The following BMS1 variants were observed in gnomAD, a reference collection of about 807,000 sequenced individuals.
BMS1 encodes the protein ribosome biogenesis protein BMS1 homolog.
In BMS1, 53 loss-of-function variants were observed where a neutral mutation model predicts 138.7. The observed-to-expected ratio is 0.38, with a 90% CI of 0.31 to 0.48. The LOEUF is 0.48. BMS1 is among the 20% of genes least tolerant of loss of function. BMS1 has a pLI of 0.97. For missense variants in BMS1, 1,360 were observed against 1,565.5 expected (o/e 0.87, Z 2.22); for synonymous variants, 504 against 539.9 (o/e 0.93, Z 0.92).
At chr10:42,799,325 C>T (rs1841798648) in intron 12 of BMS1, among the ~76,000 whole-genome samples, 1 of 152,182 alleles carries the variant, frequency 6.6e-6, no homozygotes, top group Admixed American at 6.5e-5. Flanking sequence ...GAGCTAGTTT[C>T]GAACTCTGGG....
At chr10:42,819,514 G>T (rs1842441525) in intron 15 of BMS1, among the ~76,000 whole-genome samples, 1 of 152,256 alleles carries the variant, frequency 6.6e-6, no homozygotes, top group Admixed American at 6.5e-5. Context: ...CTGGTAGAGG[G>T]CTGACCGTGG....
At chr10:42,792,708 A>T in intron 7 of BMS1, 94 bp downstream of exon 7, 1 of 1,526,274 alleles carries the variant, frequency 6.6e-7, no homozygotes, top group Non-Finnish European at 8.7e-7. Context: ...CAAACAAGGG[A>T]AGATGGCCTT....
In BMS1 at chr10:42,830,448, C is replaced by T. The variant is rs368682397; in HGVS notation, c.3618+26C>T. 59 of 1,579,362 alleles carry T rather than the reference C, an allele frequency of 3.7e-5. 1 individual carries two copies. Among genetic ancestry groups the T allele is most frequent in the African/African-American group, 3.0e-4 (22 of 72,726 alleles). On this transcript the variant is annotated intron_variant, in intron 22 of 22. Coordinates refer to ENST00000374518, the MANE Select transcript of BMS1 (RefSeq NM_014753.4). ...GTACTGTTGCCCATGCTGTACTGCACGCTGCGTTTAGATAGGAAAAGAACA... is the reference window on the plus strand; with the variant it reads ...GTACTGTTGCCCATGCTGTACTGCATGCTGCGTTTAGATAGGAAAAGAACA...
At chr10:42,810,714 C>T (rs1842146854) in intron 13 of BMS1, among the ~76,000 whole-genome samples, 1 of 152,014 alleles carries the variant, frequency 6.6e-6, no homozygotes, top group Admixed American at 6.5e-5. Context: ...TTTCATCTTG[C>T]CTGAATTTTG....
At position 42,796,462 on chromosome 10, in the gene BMS1, T is replaced by G. The variant is rs1841684848; in HGVS notation, c.1230-12T>G. The G allele has an allele frequency of 6.3e-7, 1 of 1,597,104 alleles. No individual in the cohort carries two copies. The highest frequency in any genetic ancestry group is 1.1e-5 in the South Asian group (1 of 89,586). On this transcript the variant is annotated splice_polypyrimidine_tract_variant and intron_variant, in intron 9 of 22. Coordinates refer to ENST00000374518, the MANE Select transcript of BMS1 (RefSeq NM_014753.4). ...ACAAATTGAATTATTTTGTATTTCCTTGGTAATACAGGCTAATGATGCCAA... is the reference window on the plus strand; with the variant it reads ...ACAAATTGAATTATTTTGTATTTCCGTGGTAATACAGGCTAATGATGCCAA...
Position 42,816,661 on chromosome 10 carries a change from C to A in BMS1, c.2392C>A (p.Pro798Thr). The A allele has an allele frequency of 6.2e-7, 1 of 1,611,252 alleles. No homozygotes were observed. The highest frequency in any genetic ancestry group is 8.5e-7 in the Non-Finnish European group (1 of 1,179,512). The part of the protein sequence containing the change: ...TGDVHKGKSG[P>T]NTQNEDIEKE... ...GGACGTGCACAAGGGAAAATCAGGC[C>A]CCAATACTCAGGTATGACTTTGTCG... Residue 798 changes from proline (P) to threonine (T), a missense_variant, in exon 14 of 23, where the codon CCC becomes ACC. Around this residue, in one of 3 missense-constraint regions of BMS1, gnomAD observed 697 missense variants for 686.2 expected, o/e 1.02. Transcript: ENST00000374518.
chr10:42,795,612 C>T (rs1173356179), intron 9 of BMS1, among the ~76,000 whole-genome samples: 1 of 152,036 alleles, frequency 6.6e-6, no homozygotes, highest in African/African-American at 2.4e-5. Context: ...TGAGCCACTA[C>T]CCCTGGCCTA....
chr10:42,800,720 G>A (rs926329983), intron 12 of BMS1, among the ~76,000 whole-genome samples: 3 of 151,892 alleles, frequency 2.0e-5, no homozygotes, highest in Non-Finnish European at 2.9e-5. Context: ...GTAGAGATGG[G>A]GTTTCACCAC....
At chr10:42,813,951 G>T (rs1842262758) in intron 13 of BMS1, among the ~76,000 whole-genome samples, 2 of 151,908 alleles carry the variant, frequency 1.3e-5, no homozygotes, top group South Asian at 4.2e-4. Context: ...TTCTTTGGTT[G>T]GTTTTTTTTA....
chr10:42,807,400 G>A (rs1181120019), intron 13 of BMS1, among the ~76,000 whole-genome samples: 3 of 152,130 alleles, frequency 2.0e-5, no homozygotes, highest in African/African-American at 7.2e-5. Flanking sequence ...GCTGAGTAGT[G>A]CTCCATTGTA....
At chr10:42,816,545 A>G (rs1455699857) in intron 13 of BMS1, 54 bp from the exon 14 acceptor site, 2 of 1,480,942 alleles carry the variant, frequency 1.4e-6, no homozygotes, top group East Asian at 4.5e-5. Flanking sequence ...AGGTGGGGCC[A>G]GCAGCACATG....
intron 21 of BMS1, among the ~76,000 whole-genome samples, chr10:42,824,026 A>G (rs1842573936): frequency 6.6e-6 from 1 of 152,194 alleles, no homozygotes; most frequent in Non-Finnish European, 1.5e-5. Flanking sequence ...TTTATTTTAT[A>G]TATTTGAGGT....
At chr10:42,817,079 A>G (rs1219595420) in intron 14 of BMS1, among the ~76,000 whole-genome samples, 1 of 152,122 alleles carries the variant, frequency 6.6e-6, no homozygotes, top group Non-Finnish European at 1.5e-5. Context: ...TTTTTATTCT[A>G]GTTTGTGTTC....
rs377652361 is a variant in BMS1 at position 42,816,679 on chromosome 10, C to T, written c.2403+7C>T. On this transcript the variant is annotated splice_region_variant and intron_variant, in intron 14 of 22. Transcript: ENST00000374518. ...ATCAGGCCCCAATACTCAGGTATGA[C>T]TTTGTCGTAGCTGGCTGTTCTTGGT... The T allele has an allele frequency of 1.1e-5, 18 of 1,607,192 alleles. No individual in the cohort carries two copies. The highest frequency in any genetic ancestry group is 1.4e-5 in the Non-Finnish European group (16 of 1,178,166).
At position 42,820,587 on chromosome 10, in the gene BMS1, G is replaced by A; in HGVS notation, c.2849G>A (p.Arg950Lys). Residue 950 changes from arginine to lysine, a missense_variant, in exon 17 of 23, where the codon AGG (arginine) becomes AAG (lysine). Arg to Lys is a conservative substitution (Grantham distance 26). Transcript: ENST00000374518. ...DPIIFSVGWR[R>K]FQTIPLYYIE... ...ATCATATTTTCTGTAGGGTGGAGGA[G>A]GTTTCAGACCATCCCACTGTATTAT... 1 of 1,611,648 alleles carries A rather than the reference G, an allele frequency of 6.2e-7. No individual in the cohort carries two copies. The highest frequency in any genetic ancestry group is 8.5e-7 in the Non-Finnish European group (1 of 1,179,678).
intron 12 of BMS1, among the ~76,000 whole-genome samples, chr10:42,800,501 C>CCA (rs1350851367): frequency 6.6e-6 from 1 of 151,680 alleles, no homozygotes. Context: ...TTATCCACTG[C>CCA]CATATATATA....
In BMS1 at chr10:42,832,606, G is replaced by A. The variant is rs537269365; in HGVS notation, c.*1510G>A. 4 of 152,214 alleles carry A rather than the reference G, an allele frequency of 2.6e-5. No individual in the cohort carries two copies. The highest frequency in any genetic ancestry group is 2.6e-4 in the Admixed American group (4 of 15,298). The allele number at this position is 152,214 out of a possible 1,614,324, so 9.4% of individuals were successfully genotyped here. On this transcript the variant is annotated 3_prime_UTR_variant, in exon 23 of 23. Coordinates refer to ENST00000374518, the MANE Select transcript of BMS1 (RefSeq NM_014753.4). ...AAGAGGGTTGGCAGGATTATGAGCA[G>A]TTGGCCTAGTCTGAGAGGCTCTCTA...
chr10:42,809,685 A>G (rs138914713), intron 13 of BMS1, among the ~76,000 whole-genome samples: 290 of 152,312 alleles, frequency 1.9e-3, no homozygotes, highest in African/African-American at 6.8e-3. Context: ...TTTATTTACT[A>G]ACATGATTGG....
intron 21 of BMS1, among the ~76,000 whole-genome samples, chr10:42,826,475 A>G (rs1298961007): frequency 6.6e-6 from 1 of 152,176 alleles, no homozygotes; most frequent in Non-Finnish European, 1.5e-5. Flanking sequence ...AGTCTCTACG[A>G]GGCCAGGCGC....
Sources: gnomAD v4.1 joint callset for allele counts (sites outside exome capture counted in the v4.1 genomes callset) on GRCh38, gnomAD v4.1.1 for gene constraint, gnomAD v4.1.1 regional missense constraint, MANE v1.5 for transcripts, NCBI Gene and HGNC (gene_info 2026-07-23, HGNC 2026-07-21) for gene names.